The following FBXL2 variants were observed in gnomAD, a reference collection of about 807,000 sequenced individuals.
FBXL2 encodes F-box and leucine rich repeat protein 2, also known as F-box/LRR-repeat protein 2.
A neutral mutation model predicts 69.2 loss-of-function variants in FBXL2; 38 were observed. The ratio of observed to expected loss-of-function variants is 0.55; its 90% CI spans 0.42 to 0.72. The LOEUF is 0.72. Among genes scored for constraint, FBXL2 ranks in the 30% least tolerant of loss-of-function variants. The probability of loss-of-function intolerance (pLI) is 0.00; values close to 1 mark genes in which losing one functional copy is unlikely to be tolerated. For missense variants in FBXL2, 354 were observed against 520.3 expected, an observed-to-expected ratio of 0.68 and a Z score of 3.11; for synonymous variants, 192 against 201.3, an observed-to-expected ratio of 0.95 and a Z score of 0.39.
chr3:33,297,839 C>A, intron 2 of FBXL2, 114 bp downstream of exon 2: 1 of 730,970 alleles, frequency 1.4e-6, no homozygotes, highest in Non-Finnish European at 2.4e-6. Flanking sequence ...ACAGAATTAG[C>A]CTAACTGACT....
chr3:33,317,594 G>A lies in FBXL2; in HGVS notation c.65+19869G>A, dbSNP rs894022717. ...CTGCTAAACAGATATTATGAAGCCC[G>A]CCTTATCCTAGCAGTAGGGGTATGT... On this transcript the variant is annotated intron_variant, in intron 2 of 14. Transcript: ENST00000484457. The A allele has an allele frequency of 1.3e-4, 56 of 447,984 alleles. 1 individual carries two copies. Among genetic ancestry groups the A allele is most frequent in the South Asian group, 8.6e-4 (54 of 62,982 alleles). The allele number at this position is 447,984 out of a possible 1,614,324, so 27.8% of individuals were successfully genotyped here.
At chr3:33,356,373 A>G (rs2041201272) in intron 2 of FBXL2, among the ~76,000 whole-genome samples, 1 of 152,036 alleles carries the variant, frequency 6.6e-6, no homozygotes, top group African/African-American at 2.4e-5. Flanking sequence ...TTTTTTTGAG[A>G]TGGAGTCTCG....
chr3:33,366,437 T>A (rs1170420560), intron 5 of FBXL2, among the ~76,000 whole-genome samples: 3 of 151,928 alleles, frequency 2.0e-5, no homozygotes, highest in Non-Finnish European at 2.9e-5. Context: ...GAGGCCAAGG[T>A]GGGAGAATCA....
chr3:33,307,948 C>T (rs2036861957), intron 2 of FBXL2, among the ~76,000 whole-genome samples: 1 of 152,006 alleles, frequency 6.6e-6, no homozygotes, highest in Non-Finnish European at 1.5e-5. Context: ...TTGAAATTAC[C>T]TTTATTGAAA....
chr3:33,377,220 C>A, intron 10 of FBXL2, 53 bp from the exon 11 acceptor site: 1 of 1,511,474 alleles, frequency 6.6e-7, no homozygotes, highest in Non-Finnish European at 9.2e-7. Context: ...ATATGTGTTT[C>A]CATTATTAAC....
At position 33,352,201 on chromosome 3, in the gene FBXL2, G is replaced by C. The variant is rs553927306; in HGVS notation, c.66-6766G>C. On this transcript the variant is annotated intron_variant, in intron 2 of 14. Coordinates refer to ENST00000484457, the MANE Select transcript of FBXL2 (RefSeq NM_012157.5). ...AATAGTCAACTGATCTTTGACAAAG[G>C]AGCAAAAGCAAGTCAATGGAGAAAG... Among the ~76,000 whole-genome samples, 5 of 152,208 alleles carry C rather than the reference G, an allele frequency of 3.3e-5. No individual in the cohort carries two copies. In the South Asian group the frequency reaches 1.0e-3, roughly 32 times the overall value.
intron 12 of FBXL2, among the ~76,000 whole-genome samples, chr3:33,395,490 A>G (rs17030579): frequency 0.38 from 57,344 of 151,768 alleles, 11,787 homozygotes; most frequent in East Asian, 0.6. Context: ...AAGAGGGAGA[A>G]GCCAAGATTA....
At chr3:33,294,477 TATATC>T (rs2035554735) in intron 1 of FBXL2, among the ~76,000 whole-genome samples, 1 of 152,000 alleles carries the variant, frequency 6.6e-6, no homozygotes, top group Non-Finnish European at 1.5e-5. Flanking sequence ...GAAATGAAAA[TATATC>T]ATATGGGATG....
At position 33,378,044 on chromosome 3, in the gene FBXL2, C is replaced by T. The variant is rs2042758757; in HGVS notation, c.850-59C>T. ...CAATACTCAGAGGGATAGGGCAAGC[C>T]ACCATTGTTGCTGTCACCACTGACT... On this transcript the variant is annotated intron_variant, in intron 11 of 14. Coordinates refer to ENST00000484457, the MANE Select transcript of FBXL2 (RefSeq NM_012157.5). 7 of 1,536,716 alleles carry T rather than the reference C, an allele frequency of 4.6e-6. No homozygotes were observed. The South Asian group carries it at 7.8e-5, about 17-fold the overall frequency.
intron 5 of FBXL2, among the ~76,000 whole-genome samples, chr3:33,367,520 T>G (rs550459732): frequency 6.6e-6 from 1 of 152,332 alleles, no homozygotes; most frequent in South Asian, 2.1e-4. Context: ...TAATATCCTC[T>G]TATTTTAATA....
intron 1 of FBXL2, among the ~76,000 whole-genome samples, chr3:33,285,202 C>T (rs2034478694): frequency 6.6e-6 from 1 of 152,096 alleles, no homozygotes; most frequent in Non-Finnish European, 1.5e-5. Context: ...CCATGTTTAG[C>T]ACTTCCTTCA....
chr3:33,399,593 A>G (rs1559671187), intron 12 of FBXL2, among the ~76,000 whole-genome samples: 1 of 152,220 alleles, frequency 6.6e-6, no homozygotes, highest in African/African-American at 2.4e-5. Context: ...TAACATTCTC[A>G]AAATGACAAA....
rs1297135593 is a variant in FBXL2, at chr3:33,402,777, C to A, written n.1215-457C>A. ...CACATGAGCATTAGTTAGCTGCAGGCACACGATCACACAAACTAGATACCT... is the reference window on the plus strand; with the variant it reads ...CACATGAGCATTAGTTAGCTGCAGGAACACGATCACACAAACTAGATACCT... On this transcript the variant is annotated intron_variant and non_coding_transcript_variant, in intron 12 of 12. Transcript: ENST00000463736. 6.8e-6 allele frequency: 10 copies of A among 1,479,976 alleles called. No homozygotes were observed. In the Admixed American group the frequency reaches 7.6e-5, roughly 11 times the overall value. The allele number at this position is 1,479,976 out of a possible 1,614,324, so 91.7% of individuals were successfully genotyped here. A position where few individuals can be genotyped will look rare whatever the true frequency, so the allele number is the denominator to read the frequency against.
rs1317402775 is a variant in FBXL2 at position 33,387,748 on chromosome 3, C to T, written c.*2140C>T. The T allele has an allele frequency of 1.4e-4, 22 of 152,066 alleles. No individual in the cohort carries two copies. The highest frequency in any genetic ancestry group is 4.4e-5 in the Non-Finnish European group (3 of 68,050). 9.4% of individuals were successfully genotyped at this position (152,066 alleles called of 1,614,324 possible). Reference sequence around the variant, plus strand: ...GCTCAATGATCCATGGCCTCATTTACAAAACAGGAGAACCTCTTGTAAGAA... The same window carrying T: ...GCTCAATGATCCATGGCCTCATTTATAAAACAGGAGAACCTCTTGTAAGAA... On this transcript the variant is annotated 3_prime_UTR_variant, in exon 15 of 15. Transcript: ENST00000484457.
chr3:33,368,595 C>CT (rs1038557182), intron 5 of FBXL2, among the ~76,000 whole-genome samples: 24 of 151,614 alleles, frequency 1.6e-4, no homozygotes, highest in African/African-American at 5.6e-4. Flanking sequence ...TTGGGTGTTG[C>CT]TTTTTTTTCC....
At chr3:33,316,123 A>C (rs1220717077) in intron 2 of FBXL2, among the ~76,000 whole-genome samples, 2 of 149,950 alleles carry the variant, frequency 1.3e-5, no homozygotes, top group African/African-American at 4.9e-5. Context: ...TAGTGACGTG[A>C]TCTCAGCTCA....
chr3:33,385,418 G>A (rs968569076), intron 14 of FBXL2, 83 bp from the exon 15 acceptor site: 12 of 1,185,790 alleles, frequency 1.0e-5, no homozygotes, highest in Admixed American at 1.7e-5. Context: ...TTTAATAGAG[G>A]ACTATAGGTT....
chr3:33,371,330 ATTTT>A (rs749436186), intron 5 of FBXL2, among the ~76,000 whole-genome samples: 1 of 134,140 alleles, frequency 7.5e-6, no homozygotes. Context: ...ATACCAGCTA[ATTTT>A]TTTTTTTTTT....
intron 2 of FBXL2, among the ~76,000 whole-genome samples, chr3:33,320,099 T>TG (rs922034898): frequency 2.0e-5 from 3 of 152,128 alleles, no homozygotes; most frequent in East Asian, 1.9e-4. Context: ...TCTGGAATTT[T>TG]GGGGGGGACA....
Sources: gnomAD v4.1 joint callset for allele counts (sites outside exome capture counted in the v4.1 genomes callset) on GRCh38, gnomAD v4.1.1 for gene constraint, MANE v1.5 for transcripts, NCBI Gene and HGNC (gene_info 2026-07-23, HGNC 2026-07-21) for gene names.